The following CYC1 variants were observed in gnomAD, a reference collection of about 807,000 sequenced individuals.
CYC1 encodes cytochrome c1, also known as cytochrome c1, heme protein, mitochondrial.
Under a neutral mutation model 33.8 loss-of-function variants are expected in CYC1, and 10 were observed. The ratio of observed to expected loss-of-function variants is 0.30; its 90% CI spans 0.18 to 0.50. The LOEUF is 0.50. Among genes scored for constraint, CYC1 ranks in the 20% least tolerant of loss-of-function variants. The pLI is 0.98. For missense variants in CYC1, 459 were observed against 437.6 expected (o/e 1.05, Z -0.44); for synonymous variants, 224 against 181.9 (o/e 1.23, Z -1.86).
At chr8:144,096,972 G>T (rs1474614440) in intron 5 of CYC1, 62 bp from the exon 6 acceptor site, 1 of 1,415,578 alleles carries the variant, frequency 7.1e-7, no homozygotes, top group Non-Finnish European at 9.8e-7. Flanking sequence ...TCACAGAGGG[G>T]GGGCATGATC....
At chr8:144,095,502 C>A (rs1313673291) in intron 1 of CYC1, 5 of 451,542 alleles carry the variant, frequency 1.1e-5, no homozygotes, top group Non-Finnish European at 1.9e-5. Context: ...GCGCCCAGGA[C>A]GGCTCTTGCG....
rs376483964 is a variant in CYC1, at chr8:144,096,430, G to A, written c.547G>A (p.Glu183Lys). 20 of 1,614,034 alleles carry A rather than the reference G, an allele frequency of 1.2e-5. No homozygotes were observed. The highest frequency in any genetic ancestry group is 1.6e-5 in the Non-Finnish European group (19 of 1,180,024). ...TTTCCCAAAACCATACCCCAACAGT[G>A]AGGCTGCTCGAGCTGCCAACAACGG... ...DYFPKPYPNS[E>K]AARAANNGAL... Residue 183 changes from glutamate to lysine, a missense_variant, in exon 4 of 7, where the codon GAG (glutamate) becomes AAG (lysine). Glu to Lys is a moderately conservative substitution (Grantham distance 56, BLOSUM62 1). Coordinates refer to ENST00000318911, the MANE Select transcript of CYC1 (RefSeq NM_001916.5).
At chr8:144,095,761 T>G (rs1587602870) in intron 1 of CYC1, 72 bp from the exon 2 acceptor site, 1 of 1,525,624 alleles carries the variant, frequency 6.6e-7, no homozygotes, top group South Asian at 1.1e-5. Context: ...GGTGGAGAGG[T>G]GGGCGCTGAG....
rs766366610 is a variant in CYC1 at position 144,096,412 on chromosome 8, A to G, written c.529A>G (p.Lys177Glu). Residue 177 changes from lysine (K) to glutamate (E), a missense_variant, in exon 4 of 7, where the codon AAA becomes GAA. Lys to Glu is a moderately conservative substitution (Grantham distance 56). Transcript: ENST00000318911. ...AGGGAAGCTGTTCGACTATTTCCCA[A>G]AACCATACCCCAACAGTGAGGCTGC... ...RPGKLFDYFP[K>E]PYPNSEAARA... 4 of 1,614,040 alleles carry G rather than the reference A, an allele frequency of 2.5e-6. No individual in the cohort carries two copies. In the South Asian group the frequency reaches 3.3e-5, roughly 13 times the overall value.
rs1208316105 is a variant in CYC1, at chr8:144,096,255, G to C, written c.453+5G>C. 1.2e-6 allele frequency: 2 copies of C among 1,613,878 alleles called. No individual in the cohort carries two copies. Among genetic ancestry groups the C allele is most frequent in the Non-Finnish European group, 1.7e-6 (2 of 1,179,824 alleles). ...GCTAAGGAGCTGGCTGCGGAGGTGT[G>C]GGGTCTGGGGATGCCTGGGACCCAG... On this transcript the variant is annotated splice_donor_5th_base_variant and intron_variant, in intron 3 of 6. Transcript: ENST00000318911.
At chr8:144,095,461 C>A in intron 1 of CYC1, 1 of 429,580 alleles carries the variant, frequency 2.3e-6, no homozygotes, top group Non-Finnish European at 4.0e-6. Context: ...GGGCTAGCTG[C>A]CGTGGCGGGG....
Position 144,097,372 on chromosome 8 carries a change from A to G in CYC1, c.*36A>G, listed in dbSNP as rs1236954303. 6.3e-7 allele frequency: 1 copy of G among 1,579,136 alleles called. No individual in the cohort carries two copies. The highest frequency in any genetic ancestry group is 1.7e-5 in the Admixed American group (1 of 59,632). On this transcript the variant is annotated 3_prime_UTR_variant, in exon 7 of 7. Coordinates refer to ENST00000318911, the MANE Select transcript of CYC1 (RefSeq NM_001916.5). The stretch of plus-strand genomic sequence containing the variant: ...TGTCTGCTTGCCATCCTGCCAGAAC[A>G]GGCCCTCAAGCCCAAGAGCCATCCC...
At chr8:144,095,388 G>A (rs1411774035) in intron 1 of CYC1, 160 bp downstream of exon 1, 1 of 604,820 alleles carries the variant, frequency 1.7e-6, no homozygotes, top group African/African-American at 1.9e-5. Flanking sequence ...TGTGGGATCA[G>A]GGCTGGGCGC....
Position 144,097,384 on chromosome 8 carries a change from C to A in CYC1, c.*48C>A. The stretch of plus-strand genomic sequence containing the variant: ...ATCCTGCCAGAACAGGCCCTCAAGC[C>A]CAAGAGCCATCCCAGGCCTGTTCAG... On this transcript the variant is annotated 3_prime_UTR_variant, in exon 7 of 7. Coordinates refer to ENST00000318911, the MANE Select transcript of CYC1 (RefSeq NM_001916.5). 6.5e-7 allele frequency: 1 copy of A among 1,535,528 alleles called. No individual in the cohort carries two copies. The highest frequency in any genetic ancestry group is 9.0e-7 in the Non-Finnish European group (1 of 1,112,376).
At position 144,096,578 on chromosome 8, in the gene CYC1, T is replaced by G; in HGVS notation, c.612-6T>G. 1 of 1,614,010 alleles carries G rather than the reference T, an allele frequency of 6.2e-7. No homozygotes were observed. Among genetic ancestry groups the G allele is most frequent in the Non-Finnish European group, 8.5e-7 (1 of 1,179,970 alleles). On this transcript the variant is annotated splice_region_variant and splice_polypyrimidine_tract_variant and intron_variant, in intron 4 of 6. Transcript: ENST00000318911. ...TGGAACTAAGGAGCCATGGATCTGG[T>G]CCTAGGCATGGTGGTGAGGACTACG...
At chr8:144,095,449 A>G (rs1418242260) in intron 1 of CYC1, 3 of 421,274 alleles carry the variant, frequency 7.1e-6, no homozygotes, top group African/African-American at 4.2e-5. Context: ...GGTTGGCGGG[A>G]CGGGCTAGCT....
chr8:144,096,087 G>A (rs369673219), intron 2 of CYC1, 37 bp from the exon 3 acceptor site: 28 of 1,606,156 alleles, frequency 1.7e-5, no homozygotes, highest in Non-Finnish European at 2.0e-5. Context: ...TGGTAAGGTG[G>A]AATCTTCAGC....
chr8:144,096,825 T>C, intron 5 of CYC1, 81 bp downstream of exon 5: 21 of 1,482,736 alleles, frequency 1.4e-5, no homozygotes, highest in Non-Finnish European at 1.8e-5. Context: ...TGTTCCTGGG[T>C]CCAGGAGGTC....
At chr8:144,096,536 A>G in intron 4 of CYC1, 42 bp downstream of exon 4, 1 of 1,613,514 alleles carries the variant, frequency 6.2e-7, no homozygotes, top group Non-Finnish European at 8.5e-7. Context: ...GAGATGGGGG[A>G]AGGGCTGACT....
rs199884423 is a variant in CYC1, at chr8:144,096,463, C to G, written c.580C>G (p.Pro194Ala). 1.4e-5 allele frequency: 23 copies of G among 1,614,118 alleles called. No individual in the cohort carries two copies. The highest frequency in any genetic ancestry group is 2.2e-5 in the East Asian group (1 of 44,874). ...TCGAGCTGCCAACAACGGAGCATTG[C>G]CCCCTGACCTCAGCTACATCGTGCG... Reference protein sequence around the residue: ...AARAANNGALPPDLSYIVRAR... With the variant: ...AARAANNGALAPDLSYIVRAR... The change falls in exon 4 of 7, where the codon CCC becomes GCC. Residue 194 changes from proline (P) to alanine (A), a missense_variant. Coordinates refer to ENST00000318911, the MANE Select transcript of CYC1 (RefSeq NM_001916.5).
chr8:144,095,853 G>A lies in CYC1; in HGVS notation c.150G>A (p.Lys50=), dbSNP rs760285719. 5.0e-6 allele frequency: 8 copies of A among 1,608,502 alleles called. No individual in the cohort carries two copies. The East Asian group carries it at 1.1e-4, about 22-fold the overall frequency. Residue 50 remains lysine, a synonymous_variant, in exon 2 of 7, where the codon AAG becomes AAA. Transcript: ENST00000318911. ...TGCAGGCAGTGGCCTTGTCGTCGAA[G>A]TCTGGCCTTTCCCGAGGCCGGAAAG... ...RTPQAVALSS[K]SGLSRGRKVM...
Position 144,095,921 on chromosome 8 carries a change from G to A in CYC1, c.218G>A (p.Gly73Glu). The stretch of plus-strand genomic sequence containing the variant: ...GGCATGCTGGCGGCAGGGGGTGCGG[G>A]GCTGGCCATGGCTCTGCATTCGGCT... ...ALGMLAAGGA[G>E]LAMALHSAVS... The change falls in exon 2 of 7, where the codon GGG becomes GAG. Residue 73 changes from glycine to glutamate, a missense_variant. Gly to Glu is a moderately conservative substitution (Grantham distance 98). Transcript: ENST00000318911. 1 of 1,609,158 alleles carries A rather than the reference G, an allele frequency of 6.2e-7. No homozygotes were observed. The highest frequency in any genetic ancestry group is 8.5e-7 in the Non-Finnish European group (1 of 1,179,894).
In CYC1 at chr8:144,097,262, C is replaced by T; in HGVS notation, c.904C>T (p.Leu302=). 1 of 1,614,116 alleles carries T rather than the reference C, an allele frequency of 6.2e-7. No homozygotes were observed. The change falls in exon 7 of 7, where the codon CTG becomes TTG. Residue 302 remains leucine, a synonymous_variant. Transcript: ENST00000318911. ...GATGATGATGGCTCTGCTGGTGCCC[C>T]TGGTCTACACCATAAAGCGGCACAA... ...MLMMMALLVP[L]VYTIKRHKWS...
At chr8:144,096,301 G>A (rs922416292) in intron 3 of CYC1, 36 bp from the exon 4 acceptor site, 8 of 1,613,968 alleles carry the variant, frequency 5.0e-6, no homozygotes, top group East Asian at 2.2e-5. Flanking sequence ...TCCCACTGTT[G>A]AGATGGCAGG....
Sources: gnomAD v4.1 joint callset for allele counts on GRCh38, gnomAD v4.1.1 for gene constraint, MANE v1.5 for transcripts, NCBI Gene and HGNC (gene_info 2026-07-23, HGNC 2026-07-21) for gene names.